Variants in SORCS2 observed in about 807,000 individuals in gnomAD.
SORCS2 encodes sortilin related VPS10 domain containing receptor 2, also known as VPS10 domain-containing receptor SorCS2.
A neutral mutation model predicts 141.6 loss-of-function variants in SORCS2; 100 were observed. The observed-to-expected ratio is 0.71, with a 90% CI of 0.60 to 0.83. The LOEUF (loss-of-function observed/expected upper bound fraction) is 0.83, where lower values mean the gene tolerates loss of function less well. SORCS2 is among the 40% of genes least tolerant of loss of function. SORCS2 has a pLI of 0.00. For missense variants in SORCS2, 1,646 were observed against 1,560.2 expected (o/e 1.05, Z -0.93); for synonymous variants, 789 against 676.9 (o/e 1.17, Z -2.57).
In SORCS2 at chr4:7,379,985, T is replaced by C. The variant is rs1029654170; in HGVS notation, c.481-16303T>C. 2.0e-4 allele frequency among the ~76,000 whole-genome samples: 30 copies of C among 152,248 alleles called. 1 individual carries two copies. Among genetic ancestry groups the C allele is most frequent in the Admixed American group, 1.4e-3 (21 of 15,288 alleles). The stretch of plus-strand genomic sequence containing the variant: ...CCCCATCCCCAGTCTGCCGGTTCCG[T>C]TCTGCTTTCCTGATGCCCAGAGCCT... On this transcript the variant is annotated intron_variant, in intron 1 of 26. Transcript: ENST00000507866.
chr4:7,719,971 G>C (rs934795370), intron 18 of SORCS2, among the ~76,000 whole-genome samples: 2 of 152,134 alleles, frequency 1.3e-5, no homozygotes, highest in African/African-American at 4.8e-5. Flanking sequence ...GAGGCCACCC[G>C]CTACGCTAGG....
chr4:7,680,551 G>A (rs528708601), intron 9 of SORCS2, among the ~76,000 whole-genome samples: 2 of 152,380 alleles, frequency 1.3e-5, no homozygotes, highest in South Asian at 2.1e-4. Flanking sequence ...GGGACTGTCT[G>A]CCCAACAGGA....
At chr4:7,459,638 A>G (rs1729159962) in intron 2 of SORCS2, among the ~76,000 whole-genome samples, 1 of 152,174 alleles carries the variant, frequency 6.6e-6, no homozygotes, top group South Asian at 2.1e-4. Context: ...GTCCTGGCCC[A>G]GCCTGGGGTG....
chr4:7,289,936 G>A (rs1716498450), intron 1 of SORCS2, among the ~76,000 whole-genome samples: 1 of 152,156 alleles, frequency 6.6e-6, no homozygotes, highest in African/African-American at 2.4e-5. Context: ...TCGCAGCCAG[G>A]GGACAAGGAC....
chr4:7,422,243 G>A (rs895068968), intron 2 of SORCS2, among the ~76,000 whole-genome samples: 81 of 152,252 alleles, frequency 5.3e-4, no homozygotes, highest in Non-Finnish European at 1.2e-4. Flanking sequence ...GGCCACCTGG[G>A]CTGATTTGTC....
At position 7,220,770 on chromosome 4, in the gene SORCS2, C is replaced by T. The variant is rs1728656286; in HGVS notation, c.480+27644C>T. 2.6e-5 allele frequency among the ~76,000 whole-genome samples: 4 copies of T among 152,128 alleles called. No individual in the cohort carries two copies. The South Asian group carries it at 6.2e-4, about 24-fold the overall frequency. On this transcript the variant is annotated intron_variant, in intron 1 of 26. Coordinates refer to ENST00000507866, the MANE Select transcript of SORCS2 (RefSeq NM_020777.3). ...CCCAGGTGTGAAACATGCCACTTTC[C>T]AGCTCCTTCCCAAGGCCAAGCTTGG...
At position 7,689,565 on chromosome 4, in the gene SORCS2, C is replaced by T. The variant is rs1384157123; in HGVS notation, c.1568C>T (p.Ala523Val). 3.7e-6 allele frequency: 6 copies of T among 1,601,248 alleles called. No individual in the cohort carries two copies. The highest frequency in any genetic ancestry group is 5.1e-6 in the Non-Finnish European group (6 of 1,174,458). The stretch of plus-strand genomic sequence containing the variant: ...GGCACCGTGCACACCAAGGACACCG[C>T]CCCAGGCCTCATCATGGGTGCAGGT... ...VSGTVHTKDT[A>V]PGLIMGAGNL... Residue 523 changes from alanine to valine, a missense_variant, in exon 11 of 27, where the codon GCC becomes GTC. Transcript: ENST00000507866.
chr4:7,428,613 G>T (rs149337368), intron 2 of SORCS2, among the ~76,000 whole-genome samples: 2 of 152,166 alleles, frequency 1.3e-5, no homozygotes, highest in Admixed American at 6.5e-5. Context: ...GGCCTGAACC[G>T]CAGGAGGGAC....
intron 1 of SORCS2, among the ~76,000 whole-genome samples, chr4:7,229,462 T>A (rs969180209): frequency 6.6e-6 from 1 of 152,176 alleles, no homozygotes; most frequent in Non-Finnish European, 1.5e-5. Context: ...AGAGCCTCTG[T>A]CTTGTAAAGT....
intron 1 of SORCS2, among the ~76,000 whole-genome samples, chr4:7,249,151 G>A (rs1713316408): frequency 6.6e-6 from 1 of 152,184 alleles, no homozygotes; most frequent in Admixed American, 6.5e-5. Context: ...GTTCTTGCTT[G>A]CTTGTGTTCA....
At chr4:7,675,943 A>T (rs1476449772) in intron 8 of SORCS2, 107 bp from the exon 9 acceptor site, 1 of 1,289,500 alleles carries the variant, frequency 7.8e-7, no homozygotes. Flanking sequence ...TGGCTCCAGG[A>T]GAGCCAGGGG....
intron 1 of SORCS2, among the ~76,000 whole-genome samples, chr4:7,355,792 T>G (rs1721216902): frequency 6.6e-6 from 1 of 152,244 alleles, no homozygotes; most frequent in Admixed American, 6.5e-5. Context: ...GAAGTGCCTC[T>G]GTGGAACGCA....
At chr4:7,722,666 C>G (rs1726671794) in intron 18 of SORCS2, among the ~76,000 whole-genome samples, 1 of 152,150 alleles carries the variant, frequency 6.6e-6, no homozygotes, top group African/African-American at 2.4e-5. Context: ...CCAGTATGAC[C>G]TCATCTTAGC....
chr4:7,621,720 T>C (rs988674286), intron 3 of SORCS2, among the ~76,000 whole-genome samples: 2 of 152,236 alleles, frequency 1.3e-5, no homozygotes, highest in Non-Finnish European at 2.9e-5. Context: ...TCAATAAATC[T>C]AATCAAAGAC....
chr4:7,196,367 C>T lies in SORCS2; in HGVS notation c.480+3241C>T, dbSNP rs182664086. On this transcript the variant is annotated intron_variant, in intron 1 of 26. Transcript: ENST00000507866. ...GTGTGGCTCTCAGCCTCTGGGGTTGCGGTTTCATGTTATTCCTATGGGGAA... is the reference window on the plus strand; with the variant it reads ...GTGTGGCTCTCAGCCTCTGGGGTTGTGGTTTCATGTTATTCCTATGGGGAA... Among the ~76,000 whole-genome samples, 438 of 152,154 alleles carry T rather than the reference C, an allele frequency of 2.9e-3. 4 individuals are homozygous for T. The highest frequency in any genetic ancestry group is 0.01 in the African/African-American group (420 of 41,522).
intron 1 of SORCS2, among the ~76,000 whole-genome samples, chr4:7,359,738 T>C (rs1721468066): frequency 6.6e-6 from 1 of 152,238 alleles, no homozygotes; most frequent in Non-Finnish European, 1.5e-5. Flanking sequence ...TAGGCATTAA[T>C]GTAGCTGGGA....
chr4:7,387,535 G>C (rs1182785016), intron 1 of SORCS2, among the ~76,000 whole-genome samples: 1 of 45,278 alleles, frequency 2.2e-5, no homozygotes, highest in East Asian at 9.7e-4. Context: ...ATGCACACAT[G>C]CACACACATG....
At chr4:7,636,548 G>C (rs1269274840) in intron 3 of SORCS2, among the ~76,000 whole-genome samples, 1 of 151,988 alleles carries the variant, frequency 6.6e-6, no homozygotes, top group Non-Finnish European at 1.5e-5. Flanking sequence ...AAAGCAAAAT[G>C]GCCCCGGGGC....
chr4:7,626,679 T>G (rs2884800), intron 3 of SORCS2, among the ~76,000 whole-genome samples: 44,405 of 152,180 alleles, frequency 0.29, 7,487 homozygotes, highest in East Asian at 0.73. Flanking sequence ...ATTACCTGAT[T>G]TTATCTTGTT....
Sources: gnomAD v4.1 joint callset for allele counts (sites outside exome capture counted in the v4.1 genomes callset) on GRCh38, gnomAD v4.1.1 for gene constraint, MANE v1.5 for transcripts, NCBI Gene and HGNC (gene_info 2026-07-23, HGNC 2026-07-21) for gene names.